GPC5: variants seen among roughly 807,000 people sequenced by gnomAD.
The protein encoded by GPC5 is glypican-5.
A neutral mutation model predicts 53.9 loss-of-function variants in GPC5; 47 were observed. The observed-to-expected ratio is 0.87, with a 90% CI of 0.69 to 1.11. GPC5 has a LOEUF of 1.11. Among genes scored for constraint, GPC5 ranks in the 50% most tolerant of loss-of-function variants. The pLI is 0.00. For synonymous variants in GPC5, 286 were observed against 263.3 expected (o/e 1.09, Z -0.84); for missense variants, 748 against 713.1 (o/e 1.05, Z -0.56).
At chr13:92,247,756 A>G (rs2042663377) in intron 7 of GPC5, among the ~76,000 whole-genome samples, 1 of 152,076 alleles carries the variant, frequency 6.6e-6, no homozygotes, top group South Asian at 2.1e-4. Context: ...CATATAATAG[A>G]ATACTAGCTT....
At chr13:91,757,101 T>C (rs1471398853) in intron 5 of GPC5, among the ~76,000 whole-genome samples, 1 of 152,080 alleles carries the variant, frequency 6.6e-6, no homozygotes, top group Non-Finnish European at 1.5e-5. Flanking sequence ...TATAACTGAT[T>C]GTACTTTCAA....
chr13:91,946,017 G>C (rs1454187529), intron 6 of GPC5, among the ~76,000 whole-genome samples: 2 of 152,066 alleles, frequency 1.3e-5, no homozygotes, highest in Non-Finnish European at 2.9e-5. Flanking sequence ...ATTTCTGACT[G>C]TGGTCGGGGG....
intron 2 of GPC5, among the ~76,000 whole-genome samples, chr13:91,464,367 G>A (rs1314228153): frequency 6.6e-6 from 1 of 152,072 alleles, no homozygotes; most frequent in Non-Finnish European, 1.5e-5. Context: ...ATAAATGCAC[G>A]CTTGGACATT....
intron 7 of GPC5, among the ~76,000 whole-genome samples, chr13:92,308,137 C>T (rs11616708): frequency 0.31 from 46,580 of 151,918 alleles, 7,299 homozygotes; most frequent in Middle Eastern, 0.48. Context: ...TGTTCAATGC[C>T]GTGATTTTCT....
At chr13:92,051,104 T>C (rs1411656765) in intron 6 of GPC5, among the ~76,000 whole-genome samples, 2 of 152,200 alleles carry the variant, frequency 1.3e-5, no homozygotes, top group African/African-American at 2.4e-5. Flanking sequence ...CCAAACTTTA[T>C]TACACATATG....
intron 7 of GPC5, among the ~76,000 whole-genome samples, chr13:92,605,576 G>GATTTT (rs768639288): frequency 7.2e-6 from 1 of 139,668 alleles, no homozygotes; most frequent in African/African-American, 2.8e-5. Flanking sequence ...GTATTCACTA[G>GATTTT]TTTTTTTTTT....
Position 92,127,273 on chromosome 13 carries a change from A to G in GPC5, c.1402-17557A>G, listed in dbSNP as rs1033534953. ...GTTTTTCATAGTGCCTCATATATATATGTGTATATATATATGTGTGTATAT... is the reference window on the plus strand; with the variant it reads ...GTTTTTCATAGTGCCTCATATATATGTGTGTATATATATATGTGTGTATAT... On this transcript the variant is annotated intron_variant, in intron 6 of 7. Transcript: ENST00000377067. Among the ~76,000 whole-genome samples, 10 of 151,810 alleles carry G rather than the reference A, an allele frequency of 6.6e-5. 1 individual carries two copies. Among genetic ancestry groups the G allele is most frequent in the Non-Finnish European group, 4.4e-5 (3 of 67,962 alleles).
intron 7 of GPC5, among the ~76,000 whole-genome samples, chr13:92,739,718 A>G (rs2139309035): frequency 1.4e-5 from 2 of 141,692 alleles, no homozygotes; most frequent in South Asian, 5.6e-4. Context: ...AAAAAAAAAA[A>G]GAAAAAAAAA....
At chr13:92,309,360 C>T (rs2043131357) in intron 7 of GPC5, among the ~76,000 whole-genome samples, 1 of 152,026 alleles carries the variant, frequency 6.6e-6, no homozygotes, top group African/African-American at 2.4e-5. Context: ...TAGAGGTAGA[C>T]ATGACTACAT....
intron 6 of GPC5, among the ~76,000 whole-genome samples, chr13:91,937,362 C>G (rs1003196303): frequency 3.9e-5 from 6 of 152,006 alleles, no homozygotes; most frequent in Non-Finnish European, 5.9e-5. Context: ...ATATAGGTCT[C>G]TTTTTACGTG....
rs201592523 is a variant in GPC5 at position 92,633,708 on chromosome 13, T to C, written c.1562-232574T>C. On this transcript the variant is annotated intron_variant, in intron 7 of 7. Coordinates refer to ENST00000377067, the MANE Select transcript of GPC5 (RefSeq NM_004466.6). ...AATTAGTAATGATGTTGCTTTTTTC[T>C]TTTTAAAGTTTTTACCTATTATGTT... is the stretch of plus-strand genomic sequence containing the variant. Among the ~76,000 whole-genome samples the C allele has an allele frequency of 2.0e-5, 3 of 152,252 alleles. No individual in the cohort carries two copies. In the East Asian group the frequency reaches 5.8e-4, roughly 29 times the overall value.
At chr13:92,684,664 T>C (rs1018899000) in intron 7 of GPC5, among the ~76,000 whole-genome samples, 19 of 152,210 alleles carry the variant, frequency 1.2e-4, no homozygotes, top group African/African-American at 4.6e-4. Flanking sequence ...ACCTTGGTTG[T>C]TTCTCTTTTG....
chr13:92,714,971 C>G (rs975724155), intron 7 of GPC5, among the ~76,000 whole-genome samples: 10 of 152,032 alleles, frequency 6.6e-5, no homozygotes, highest in African/African-American at 2.4e-4. Flanking sequence ...AAGGCTGAAG[C>G]AGAGAATTGC....
intron 7 of GPC5, among the ~76,000 whole-genome samples, chr13:92,510,973 T>A (rs1243565690): frequency 6.6e-6 from 1 of 152,170 alleles, no homozygotes; most frequent in Non-Finnish European, 1.5e-5. Context: ...TTTCTCAACA[T>A]TAAAGTAGAT....
At chr13:92,694,933 G>C (rs974642833) in intron 7 of GPC5, among the ~76,000 whole-genome samples, 2 of 152,156 alleles carry the variant, frequency 1.3e-5, no homozygotes, top group African/African-American at 4.8e-5. Context: ...GATCGGTGTA[G>C]GGTGGGGTCC....
intron 7 of GPC5, among the ~76,000 whole-genome samples, chr13:92,359,353 A>G (rs1348533992): frequency 1.3e-5 from 2 of 151,648 alleles, no homozygotes; most frequent in African/African-American, 2.4e-5. Flanking sequence ...CCATATCACT[A>G]TCAGCATTTT....
intron 2 of GPC5, among the ~76,000 whole-genome samples, chr13:91,613,562 GA>G (rs1421167324): frequency 6.6e-6 from 1 of 152,144 alleles, no homozygotes; most frequent in Non-Finnish European, 1.5e-5. Context: ...GATCAATTAG[GA>G]ATGTGCGTTA....
At chr13:92,088,248 C>T (rs761096954) in intron 6 of GPC5, among the ~76,000 whole-genome samples, 2 of 152,066 alleles carry the variant, frequency 1.3e-5, no homozygotes, top group African/African-American at 2.4e-5. Context: ...CTCAAAGTAC[C>T]CCATATTTTT....
intron 2 of GPC5, among the ~76,000 whole-genome samples, chr13:91,523,768 AT>A: frequency 2.6e-5 from 4 of 152,352 alleles, no homozygotes; most frequent in Admixed American, 2.6e-4. Flanking sequence ...TGATGGATAC[AT>A]TAATTAGCTT....
Sources: gnomAD v4.1 joint callset for allele counts (sites outside exome capture counted in the v4.1 genomes callset) on GRCh38, gnomAD v4.1.1 for gene constraint, MANE v1.5 for transcripts, NCBI Gene and HGNC (gene_info 2026-07-23, HGNC 2026-07-21) for gene names.